CTNNA1: variants seen among roughly 807,000 people sequenced by gnomAD.
CTNNA1 encodes catenin alpha 1, also known as catenin alpha-1.
Under a neutral mutation model 98.4 loss-of-function variants are expected in CTNNA1, and 37 were observed. The observed-to-expected ratio is 0.38, with a 90% CI of 0.29 to 0.49. The LOEUF is 0.49. Among genes scored for constraint, CTNNA1 ranks in the 20% least tolerant of loss-of-function variants. CTNNA1 has a pLI of 0.95. For missense variants in CTNNA1, 761 were observed against 1,147.2 expected, an observed-to-expected ratio of 0.66 and a Z score of 4.86; for synonymous variants, 404 against 413.2, an observed-to-expected ratio of 0.98 and a Z score of 0.27.
chr5:138,897,322 A>ACCCCCCCCCCCCCCCCCC (rs1757106319), intron 9 of CTNNA1, among the ~76,000 whole-genome samples: 1 of 26,164 alleles, frequency 3.8e-5, no homozygotes, highest in Non-Finnish European at 7.3e-5. Context: ...CCCGCCCAGC[A>ACCCCCCCCCCCCCCCCCC]CACACAGTAT....
rs542245192 is a variant in CTNNA1 at position 138,833,137 on chromosome 5, A to G, written c.1062+5419A>G. 7.9e-5 allele frequency among the ~76,000 whole-genome samples: 12 copies of G among 152,270 alleles called. No individual in the cohort carries two copies. The East Asian group carries it at 1.2e-3, about 15-fold the overall frequency. On this transcript the variant is annotated intron_variant, in intron 7 of 17. Coordinates refer to ENST00000302763, the MANE Select transcript of CTNNA1 (RefSeq NM_001903.5). ...ACCTACCCTTTCCCCAAAACCTCCA[A>G]ATCTGAATATACTTAATACAATGTC...
chr5:138,801,596 T>G (rs1432911706), intron 3 of CTNNA1, among the ~76,000 whole-genome samples: 1 of 152,234 alleles, frequency 6.6e-6, no homozygotes, highest in African/African-American at 2.4e-5. Context: ...GCTGCATAAA[T>G]AACCGATGTG....
At position 138,927,710 on chromosome 5, in the gene CTNNA1, TAATGAATGAATGAATGAATG is replaced by T. The variant is rs749302365; in HGVS notation, c.1900-1518_1900-1499del. Among the ~76,000 whole-genome samples, 72 of 151,058 alleles carry T rather than the reference TAATGAATGAATGAATGAATG, an allele frequency of 4.8e-4. 1 individual carries two copies. The highest frequency in any genetic ancestry group is 6.8e-3 in the Middle Eastern group (2 of 292). On this transcript the variant is annotated intron_variant, in intron 13 of 17. Transcript: ENST00000302763. ...CCCAGAACAGTGCTTGGCAGAGAGA[TAATGAATGAATGAATGAATG>T]AATGAATGAATGAATGAGAGTACTC...
chr5:138,780,929 T>A (rs1325648812), intron 1 of CTNNA1, among the ~76,000 whole-genome samples: 1 of 126,788 alleles, frequency 7.9e-6, no homozygotes, highest in Non-Finnish European at 1.7e-5. Flanking sequence ...AAGGCACTAC[T>A]TTTAGAAGAA....
intron 9 of CTNNA1, among the ~76,000 whole-genome samples, chr5:138,894,004 G>A (rs897885687): frequency 7.2e-5 from 11 of 151,862 alleles, no homozygotes; most frequent in African/African-American, 2.7e-4. Context: ...TGCAGGCTTC[G>A]CCTCCCGGTT....
chr5:138,778,637 T>A (rs1167179201), intron 1 of CTNNA1, among the ~76,000 whole-genome samples: 4 of 152,218 alleles, frequency 2.6e-5, no homozygotes, highest in Admixed American at 2.6e-4. Flanking sequence ...TTGGTTAGCA[T>A]TCTTTGATTC....
rs1284975862 is a variant in CTNNA1 at position 138,818,284 on chromosome 5, G to GA, written c.588+5983dup. Among the ~76,000 whole-genome samples, 8 of 132,340 alleles carry GA rather than the reference G, an allele frequency of 6.0e-5. No homozygotes were observed. The East Asian group carries it at 1.6e-3, about 27-fold the overall frequency. 86.8% of individuals were successfully genotyped at this position (132,340 alleles called of 152,430 possible). A position where few individuals can be genotyped will look rare whatever the true frequency, so the allele number is the denominator to read the frequency against. ...ATATCCAGCTTTTTTTTTTTTTTGGGAGCGGGGGTGGGTAGAGATAGGGTC... is the reference window on the plus strand; with the variant it reads ...ATATCCAGCTTTTTTTTTTTTTTGGGAAGCGGGGGTGGGTAGAGATAGGGTC... On this transcript the variant is annotated intron_variant, in intron 5 of 17. Transcript: ENST00000302763.
In CTNNA1 at chr5:138,824,809, G is replaced by A; in HGVS notation, c.858+10G>A. The A allele has an allele frequency of 6.2e-7, 1 of 1,605,998 alleles. No individual in the cohort carries two copies. The highest frequency in any genetic ancestry group is 1.7e-4 in the Middle Eastern group (1 of 6,032). On this transcript the variant is annotated intron_variant, in intron 6 of 17. Coordinates refer to ENST00000302763, the MANE Select transcript of CTNNA1 (RefSeq NM_001903.5). ...ACTCAATAACTTTGACGTAAGTTAT[G>A]CTTGGGTGGAAATTTCCAGCTCTTG...
intron 6 of CTNNA1, 113 bp from the exon 7 acceptor site, chr5:138,827,402 C>T (rs1206655758): frequency 8.3e-7 from 1 of 1,203,434 alleles, no homozygotes; most frequent in African/African-American, 1.5e-5. Flanking sequence ...AACTTTCTTT[C>T]AGATGTTGGA....
chr5:138,929,402 T>C (rs777742889), intron 14 of CTNNA1, 46 bp downstream of exon 14: 3 of 920,274 alleles, frequency 3.3e-6, no homozygotes, highest in Non-Finnish European at 5.4e-6. Context: ...CTGCCGACTT[T>C]CCCTGTCCCC....
intron 7 of CTNNA1, among the ~76,000 whole-genome samples, chr5:138,840,657 A>G (rs1762194792): frequency 1.3e-5 from 2 of 152,226 alleles, no homozygotes; most frequent in Admixed American, 1.3e-4. Context: ...TAGAATGCCC[A>G]TATGTGACAA....
intron 17 of CTNNA1, 152 bp downstream of exon 17, chr5:138,932,864 C>G: frequency 1.0e-6 from 1 of 969,134 alleles, no homozygotes; most frequent in South Asian, 1.3e-5. Context: ...AGACCAAGGT[C>G]TGTCCATCAT....
chr5:138,827,516 A>G lies in CTNNA1; in HGVS notation c.860A>G (p.Lys287Arg). Residue 287 changes from lysine (K) to arginine (R), a missense_variant and splice_region_variant, in exon 7 of 18, where the codon AAA becomes AGA. Lys to Arg is a conservative substitution (Grantham distance 26, BLOSUM62 2). Coordinates refer to ENST00000302763, the MANE Select transcript of CTNNA1 (RefSeq NM_001903.5). Reference sequence around the variant, plus strand: ...CATTCGGTAATACTTTCTCTGCAGAAACAAATCATTGTGGACCCCTTGAGC... The same window carrying G: ...CATTCGGTAATACTTTCTCTGCAGAGACAAATCATTGTGGACCCCTTGAGC... ...ELAYALNNFD[K>R]QIIVDPLSFS... 1 of 1,614,212 alleles carries G rather than the reference A, an allele frequency of 6.2e-7. No homozygotes were observed. The highest frequency in any genetic ancestry group is 8.5e-7 in the Non-Finnish European group (1 of 1,180,048).
Position 138,780,352 on chromosome 5 carries a change from G to A in CTNNA1, c.-2-1571G>A, listed in dbSNP as rs189264204. On this transcript the variant is annotated intron_variant, in intron 1 of 17. Transcript: ENST00000302763. ...CTACAGGTGCCCGCCACTGCGCCTG[G>A]CTAATTTTTTTTTTGTATTTTTAGT... Among the ~76,000 whole-genome samples the A allele has an allele frequency of 4.1e-3, 609 of 149,800 alleles. 8 individuals are homozygous for A. The highest frequency in any genetic ancestry group is 0.013 in the African/African-American group (532 of 40,854).
intron 1 of CTNNA1, among the ~76,000 whole-genome samples, chr5:138,758,360 C>A (rs899603155): frequency 1.3e-5 from 2 of 150,660 alleles, no homozygotes; most frequent in African/African-American, 2.5e-5. Context: ...TGCCACCACA[C>A]CCGGCTAACT....
intron 9 of CTNNA1, among the ~76,000 whole-genome samples, chr5:138,902,736 A>G (rs116744435): frequency 0.017 from 2,534 of 152,314 alleles, 78 homozygotes; most frequent in African/African-American, 0.057. Flanking sequence ...GATCTTTGTT[A>G]GTCACAAAAT....
intron 7 of CTNNA1, among the ~76,000 whole-genome samples, chr5:138,842,543 T>C (rs1423424972): frequency 6.6e-6 from 1 of 152,220 alleles, no homozygotes; most frequent in Non-Finnish European, 1.5e-5. Context: ...TTTTCAAAAC[T>C]GGTTTTTCTT....
chr5:138,906,294 T>C (rs995682948), intron 10 of CTNNA1, among the ~76,000 whole-genome samples: 1 of 152,188 alleles, frequency 6.6e-6, no homozygotes, highest in African/African-American at 2.4e-5. Flanking sequence ...TGCATAGATA[T>C]TTGCAATGGA....
intron 5 of CTNNA1, among the ~76,000 whole-genome samples, chr5:138,816,979 G>A (rs1163944205): frequency 6.6e-6 from 1 of 152,158 alleles, no homozygotes; most frequent in Non-Finnish European, 1.5e-5. Context: ...TGGATTACAG[G>A]TGTGACCCAC....
Sources: allele counts gnomAD v4.1 joint callset (sites outside exome capture counted in the v4.1 genomes callset), GRCh38; gene constraint gnomAD v4.1.1; transcripts MANE v1.5; gene names NCBI Gene and HGNC (gene_info 2026-07-23, HGNC 2026-07-21).